The following TRPM5 variants were observed in gnomAD, a reference collection of about 807,000 sequenced individuals.
TRPM5 encodes MLSN1 and TRP-related.
In TRPM5, 121 loss-of-function variants were observed where a neutral mutation model predicts 124.9. That is an observed-to-expected ratio of 0.97 (90% CI 0.84 to 1.13). TRPM5 has a LOEUF of 1.13. Ranked by LOEUF, TRPM5 falls within the 50% of genes most tolerant of loss-of-function variation. The pLI is 0.00. For synonymous variants in TRPM5, 781 were observed against 700.5 expected (o/e 1.11, Z -1.81); for missense variants, 1,643 against 1,589.1 (o/e 1.03, Z -0.58).
the TRPM5 span, among the ~76,000 whole-genome samples, chr11:2,443,065 G>A: frequency 6.6e-6 from 1 of 152,032 alleles, no homozygotes; most frequent in African/African-American, 2.4e-5. This position sits in a 1 kb window ranked among gnomAD's most constrained non-coding sequence, Gnocchi z 5.0. Context: ...TTTATCTGTT[G>A]CTTTTGGATT....
rs199888252 is a variant in TRPM5 at position 2,408,799 on chromosome 11, C to T, written c.2783-887G>A. On this transcript the variant is annotated intron_variant, in intron 18 of 23. Transcript: ENST00000155858. ...AGAGTGTGCCCTGGCCGTCCAGGAC[C>T]ACATATCCCCTCCATATCCGAATGG... 3.3e-5 allele frequency among the ~76,000 whole-genome samples: 5 copies of T among 152,368 alleles called. No homozygotes were observed. In the East Asian group the frequency reaches 9.7e-4, roughly 29 times the overall value.
the TRPM5 span, among the ~76,000 whole-genome samples, chr11:2,439,481 A>G: frequency 1.3e-5 from 2 of 152,188 alleles, no homozygotes; most frequent in African/African-American, 4.8e-5. Flanking sequence ...ATTCAACAAG[A>G]AAAAAATAAA....
Position 2,413,014 on chromosome 11 carries a change from T to C in TRPM5, c.2097-2A>G. Reference sequence around the variant, plus strand: ...GGCGCCTCCACCAGCTCCTCCACCCTGTGCCGCAGAGAAGTTCGCAGTGGT... The same window carrying C: ...GGCGCCTCCACCAGCTCCTCCACCCCGTGCCGCAGAGAAGTTCGCAGTGGT... On this transcript the variant is annotated splice_acceptor_variant, in intron 14 of 23. Coordinates refer to ENST00000155858, the Ensembl canonical transcript of TRPM5. LOFTEE classifies it high-confidence loss of function. The C allele has an allele frequency of 6.2e-7, 1 of 1,601,096 alleles. No homozygotes were observed. Among genetic ancestry groups the C allele is most frequent in the Non-Finnish European group, 8.5e-7 (1 of 1,175,056 alleles).
intron 5 of TRPM5, 22 bp from the exon 11 acceptor site, chr11:2,418,380 G>T (rs983441813): frequency 2.6e-6 from 4 of 1,539,922 alleles, no homozygotes; most frequent in South Asian, 1.2e-5. Flanking sequence ...AGGGAGGGGA[G>T]AGCGGACCCC....
At chr11:2,414,279 C>A (rs1475304701) in intron 11 of TRPM5, 73 bp from the exon 17 acceptor site, 14 of 1,528,924 alleles carry the variant, frequency 9.2e-6, no homozygotes, top group Non-Finnish European at 1.2e-5. Context: ...CCTCCTCCAT[C>A]CCCTGCCCAG....
the TRPM5 span, among the ~76,000 whole-genome samples, chr11:2,441,233 G>A: frequency 4.6e-5 from 7 of 152,306 alleles, 1 homozygote; most frequent in South Asian, 1.4e-3. This position sits in a 1 kb window ranked among gnomAD's most constrained non-coding sequence, Gnocchi z 7.2. Context: ...TCAGTGGAGG[G>A]TGTGTCCTGG....
intron 1 of TRPM5, 80 bp from the exon 7 acceptor site, chr11:2,422,401 AG>A: frequency 5.4e-6 from 3 of 559,300 alleles, no homozygotes; most frequent in East Asian, 7.0e-5. Context: ...GCTGGACACA[AG>A]GGGGCACTGG....
chr11:2,415,309 G>A, exon 9 of TRPM5: 1 of 1,583,116 alleles, frequency 6.3e-7, no homozygotes, highest in Non-Finnish European at 8.5e-7. Flanking sequence ...CGCTGCAGCA[G>A]GTCGAAGAGC....
At chr11:2,419,622 CAA>C (rs3986606) in intron 4 of TRPM5, among the ~76,000 whole-genome samples, 24 of 126,936 alleles carry the variant, frequency 1.9e-4, no homozygotes, top group African/African-American at 2.5e-4. Flanking sequence ...GATTCTGCCT[CAA>C]AAAAAAAAAA....
At chr11:2,432,490 C>A in the TRPM5 span, among the ~76,000 whole-genome samples, 1 of 152,194 alleles carries the variant, frequency 6.6e-6, no homozygotes, top group South Asian at 2.1e-4. Context: ...CCCTGCCATG[C>A]GAGGCTGGGC....
At chr11:2,429,425 T>C in the TRPM5 span, among the ~76,000 whole-genome samples, 4 of 151,242 alleles carry the variant, frequency 2.6e-5, no homozygotes, top group Non-Finnish European at 5.9e-5. The surrounding 1 kb of genome is among the most constrained non-coding windows in gnomAD (Gnocchi z 8.4). Context: ...GTGATGATGA[T>C]AGTGTTAATA....
intron 21 of TRPM5, 135 bp downstream of exon 26, chr11:2,406,525 TG>T: frequency 8.1e-7 from 1 of 1,237,242 alleles, no homozygotes; most frequent in Non-Finnish European, 1.1e-6. Context: ...GCTAGGCCCC[TG>T]GGCTCGGCCA....
Position 2,407,919 on chromosome 11 carries a change from A to G in TRPM5, c.2783-7T>C, listed in dbSNP as rs755422785. Reference sequence around the variant, plus strand: ...GAGCAGTTCACACGGGCTTCTGGAAAGCAAGGGTGCTGTGGGGACCAGACC... The same window carrying G: ...GAGCAGTTCACACGGGCTTCTGGAAGGCAAGGGTGCTGTGGGGACCAGACC... On this transcript the variant is annotated splice_polypyrimidine_tract_variant and splice_region_variant and intron_variant, in intron 18 of 23. Coordinates refer to ENST00000155858, the Ensembl canonical transcript of TRPM5. The G allele has an allele frequency of 1.2e-6, 2 of 1,613,024 alleles. No individual in the cohort carries two copies. Among genetic ancestry groups the G allele is most frequent in the Non-Finnish European group, 1.7e-6 (2 of 1,179,704 alleles).
chr11:2,432,674 G>A, the TRPM5 span, among the ~76,000 whole-genome samples: 1 of 147,102 alleles, frequency 6.8e-6, no homozygotes, highest in Non-Finnish European at 1.5e-5. Flanking sequence ...TTTACAGAAA[G>A]ATTTGCAACC....
At chr11:2,426,630 A>G (rs549425864), upstream of TRPM5, among the ~76,000 whole-genome samples, 13 of 152,206 alleles carry the variant, frequency 8.5e-5, no homozygotes, top group East Asian at 2.3e-3. Context: ...TGGGCTCCCC[A>G]AGACCAGCTC....
At chr11:2,406,978 A>T (rs1206420704) in intron 20 of TRPM5, 141 bp downstream of exon 25, 22 of 1,299,730 alleles carry the variant, frequency 1.7e-5, no homozygotes, top group Non-Finnish European at 5.1e-6. Context: ...CAGCTGTGCC[A>T]GCCTGCACAG....
In TRPM5 at chr11:2,417,725, A is replaced by T; in HGVS notation, c.1009+2T>A. ...TGCCTTGCCCACCCTGCCCGCCCTCACCTTTCACCAGCGCCTTCAGGATGA... is the reference window on the plus strand; with the variant it reads ...TGCCTTGCCCACCCTGCCCGCCCTCTCCTTTCACCAGCGCCTTCAGGATGA... On this transcript the variant is annotated splice_donor_variant, in intron 7 of 23. Transcript: ENST00000155858. LOFTEE classifies it high-confidence loss of function. 1 of 469,052 alleles carries T rather than the reference A, an allele frequency of 2.1e-6. No homozygotes were observed. Among genetic ancestry groups the T allele is most frequent in the Non-Finnish European group, 3.6e-6 (1 of 274,260 alleles). 29.1% of individuals were successfully genotyped at this position (469,052 alleles called of 1,614,324 possible).
downstream of TRPM5, among the ~76,000 whole-genome samples, chr11:2,404,336 G>A (rs1220387226): frequency 6.6e-6 from 1 of 152,214 alleles, no homozygotes. Context: ...GCAGCCACTG[G>A]TGCCAGCAGG....
chr11:2,438,194 T>A, the TRPM5 span, among the ~76,000 whole-genome samples: 2 of 152,026 alleles, frequency 1.3e-5, no homozygotes, highest in African/African-American at 2.4e-5. The surrounding 1 kb of genome is among the most constrained non-coding windows in gnomAD (Gnocchi z 5.9). Flanking sequence ...CTCAAAATAA[T>A]AAGAGCTGTC....
Sources: allele counts gnomAD v4.1 joint callset (sites outside exome capture counted in the v4.1 genomes callset), GRCh38; gene constraint gnomAD v4.1.1; non-coding constraint Gnocchi (gnomAD v3.1); transcripts MANE v1.5; gene names NCBI Gene and HGNC (gene_info 2026-07-23, HGNC 2026-07-21).